Variants in SAMD5 observed in about 807,000 individuals in gnomAD.
The protein encoded by SAMD5 is sterile alpha motif domain-containing protein 5.
Under a neutral mutation model 11.3 loss-of-function variants are expected in SAMD5, and 13 were observed. That is an observed-to-expected ratio of 1.15 (90% CI 0.75 to 1.83). The LOEUF (loss-of-function observed/expected upper bound fraction) is 1.83. SAMD5 is among the 40% of genes most tolerant of loss of function. The probability of loss-of-function intolerance (pLI) is 0.00; values close to 1 mark genes in which losing one functional copy is unlikely to be tolerated. For missense variants in SAMD5, 255 were observed against 239.1 expected, an observed-to-expected ratio of 1.07 and a Z score of -0.44; for synonymous variants, 129 against 111.3, an observed-to-expected ratio of 1.16 and a Z score of -1.00.
chr6:147,946,502 CA>C, the SAMD5 span, among the ~76,000 whole-genome samples: 1 of 152,098 alleles, frequency 6.6e-6, no homozygotes, highest in African/African-American at 2.4e-5. Context: ...TAGTCACTTC[CA>C]GCTGTGTTTC....
the SAMD5 span, among the ~76,000 whole-genome samples, chr6:147,814,395 A>G: frequency 1.3e-5 from 2 of 152,212 alleles, no homozygotes; most frequent in Non-Finnish European, 2.9e-5. Context: ...TTACAGGTAT[A>G]CAACTTCCTA....
At chr6:147,589,559 C>T (rs563514492) in intron 1 of SAMD5, among the ~76,000 whole-genome samples, 137 of 152,266 alleles carry the variant, frequency 9.0e-4, no homozygotes, top group Middle Eastern at 3.4e-3. Context: ...CTCCAAGCCT[C>T]GGCGTCCTCA....
chr6:147,543,775 C>T (rs1428784923), intron 1 of SAMD5, among the ~76,000 whole-genome samples: 10 of 152,080 alleles, frequency 6.6e-5, no homozygotes, highest in East Asian at 1.9e-4. Context: ...ATTAGGGGTT[C>T]GGAATAGGGA....
the SAMD5 span, among the ~76,000 whole-genome samples, chr6:147,806,868 C>T: frequency 6.6e-6 from 1 of 151,964 alleles, no homozygotes; most frequent in Non-Finnish European, 1.5e-5. Context: ...AGGGTGGGGC[C>T]CTCATAATGG....
chr6:147,933,867 G>A, the SAMD5 span, among the ~76,000 whole-genome samples: 4 of 152,154 alleles, frequency 2.6e-5, no homozygotes, highest in Admixed American at 1.3e-4. Context: ...ACCAGATTAT[G>A]TGCCAAAATA....
intron 1 of SAMD5, among the ~76,000 whole-genome samples, chr6:147,584,335 A>G (rs1789343923): frequency 1.3e-5 from 2 of 152,178 alleles, no homozygotes; most frequent in Non-Finnish European, 2.9e-5. Context: ...TTTTGCCTTT[A>G]TCTTGTATTA....
intron 1 of SAMD5, among the ~76,000 whole-genome samples, chr6:147,536,704 C>T (rs1788514601): frequency 6.6e-6 from 1 of 152,012 alleles, no homozygotes; most frequent in African/African-American, 2.4e-5. Flanking sequence ...ATTTTGGTTA[C>T]TTCTGTGGCA....
the SAMD5 span, among the ~76,000 whole-genome samples, chr6:147,845,144 A>G: frequency 6.6e-6 from 1 of 152,164 alleles, no homozygotes; most frequent in Non-Finnish European, 1.5e-5. Context: ...TAAAATTTTA[A>G]AAATATGTTT....
chr6:147,726,143 G>C (rs941051741), intron 1 of SAMD5, among the ~76,000 whole-genome samples: 2 of 152,170 alleles, frequency 1.3e-5, no homozygotes, highest in Non-Finnish European at 2.9e-5. Flanking sequence ...AAATAAAAGA[G>C]AATTTGGTTT....
At chr6:147,932,069 A>T in the SAMD5 span, among the ~76,000 whole-genome samples, 1 of 152,198 alleles carries the variant, frequency 6.6e-6, no homozygotes, top group Non-Finnish European at 1.5e-5. Flanking sequence ...AATAGCATTA[A>T]ATTAGTCCCT....
At chr6:147,793,874 A>G in the SAMD5 span, among the ~76,000 whole-genome samples, 1 of 152,130 alleles carries the variant, frequency 6.6e-6, no homozygotes, top group Non-Finnish European at 1.5e-5. Flanking sequence ...CTTCTTCAGT[A>G]TTATGTTGGC....
At chr6:147,743,489 C>A in the SAMD5 span, among the ~76,000 whole-genome samples, 1 of 149,896 alleles carries the variant, frequency 6.7e-6, no homozygotes, top group African/African-American at 2.5e-5. Context: ...GGCAACAGAG[C>A]GAGACTCTGT....
chr6:147,714,055 A>G (rs999204991), intron 1 of SAMD5, among the ~76,000 whole-genome samples: 8 of 152,342 alleles, frequency 5.3e-5, no homozygotes, highest in African/African-American at 1.7e-4. Flanking sequence ...AAAAGAACAT[A>G]AAGTTTATAT....
chr6:147,634,723 G>A (rs972570287), intron 1 of SAMD5, among the ~76,000 whole-genome samples: 1 of 152,162 alleles, frequency 6.6e-6, no homozygotes, highest in African/African-American at 2.4e-5. Context: ...ATAGAATGCA[G>A]CACCTACAAC....
At chr6:147,577,280 C>T (rs1419988808) in intron 1 of SAMD5, among the ~76,000 whole-genome samples, 1 of 152,218 alleles carries the variant, frequency 6.6e-6, no homozygotes, top group African/African-American at 2.4e-5. Flanking sequence ...TCCATGTCCA[C>T]ATTAGAAATA....
rs1434661904 is a variant in SAMD5, at chr6:147,567,479, A to G, written c.*3023A>G. On this transcript the variant is annotated 3_prime_UTR_variant, in exon 2 of 2. Transcript: ENST00000367474. ...TGTAAGCTATAGTGTAGCTTGGGGA[A>G]TCATCTTGAACAGTTATGAAACTCA... 1.0e-6 allele frequency: 1 copy of G among 977,370 alleles called. No individual in the cohort carries two copies. Among genetic ancestry groups the G allele is most frequent in the African/African-American group, 1.8e-5 (1 of 57,052 alleles). The allele number at this position is 977,370 out of a possible 1,614,324, so 60.5% of individuals were successfully genotyped here.
chr6:147,864,929 G>T, the SAMD5 span, among the ~76,000 whole-genome samples: 3 of 152,184 alleles, frequency 2.0e-5, no homozygotes, highest in African/African-American at 4.8e-5. Context: ...GAGCCAAAAA[G>T]TTGGAAATAG....
At chr6:147,859,739 T>C in the SAMD5 span, among the ~76,000 whole-genome samples, 1 of 152,150 alleles carries the variant, frequency 6.6e-6, no homozygotes, top group South Asian at 2.1e-4. Context: ...TCTTACTCTG[T>C]TTTTTGGGTT....
At chr6:147,542,318 G>A (rs894358843) in intron 1 of SAMD5, among the ~76,000 whole-genome samples, 13 of 152,108 alleles carry the variant, frequency 8.5e-5, no homozygotes, top group African/African-American at 2.9e-4. Flanking sequence ...GGACAATCCC[G>A]GACAAGCCCC....
Sources: allele counts gnomAD v4.1 joint callset (sites outside exome capture counted in the v4.1 genomes callset), GRCh38; gene constraint gnomAD v4.1.1; transcripts MANE v1.5; gene names NCBI Gene and HGNC (gene_info 2026-07-23, HGNC 2026-07-21).